OXR1: variants seen among roughly 807,000 people sequenced by gnomAD.
OXR1 encodes the protein oxidation resistance protein 1.
In OXR1, 41 loss-of-function variants were observed where a neutral mutation model predicts 104.6. The observed-to-expected ratio is 0.39, with a 90% confidence interval of 0.31 to 0.51. The LOEUF (loss-of-function observed/expected upper bound fraction) is 0.51, where lower values mean the gene tolerates loss of function less well. OXR1 is among the 20% of genes least tolerant of loss of function. The pLI, the probability that OXR1 is intolerant of heterozygous loss-of-function variation, is 0.77. For synonymous variants in OXR1, 348 were observed against 348.4 expected (o/e 1.00, Z 0.01); for missense variants, 955 against 1,031.9 (o/e 0.93, Z 1.02).
intron 2 of OXR1, among the ~76,000 whole-genome samples, chr8:106,492,478 C>T (rs904251596): frequency 1.3e-5 from 2 of 152,014 alleles, no homozygotes; most frequent in African/African-American, 4.8e-5. Flanking sequence ...TTACAGTTGC[C>T]CTTAAAACCT....
chr8:106,370,447 T>A (rs1011109150), intron 2 of OXR1, among the ~76,000 whole-genome samples: 1 of 151,874 alleles, frequency 6.6e-6, no homozygotes, highest in African/African-American at 2.4e-5. Flanking sequence ...TGAGGAGGAG[T>A]GGTGAGAGAG....
chr8:106,321,866 G>A (rs142645493), intron 1 of OXR1, among the ~76,000 whole-genome samples: 22 of 152,278 alleles, frequency 1.4e-4, no homozygotes, highest in African/African-American at 5.3e-4. Context: ...CTTTTGCTGA[G>A]GAGGCCCTAG....
At chr8:106,331,528 T>G (rs1814713027) in intron 1 of OXR1, among the ~76,000 whole-genome samples, 1 of 152,160 alleles carries the variant, frequency 6.6e-6, no homozygotes, top group South Asian at 2.1e-4. Context: ...ATATAATAAA[T>G]GATGGCTTTG....
At chr8:106,282,386 G>T (rs986237141) in intron 1 of OXR1, among the ~76,000 whole-genome samples, 1 of 152,114 alleles carries the variant, frequency 6.6e-6, no homozygotes, top group East Asian at 1.9e-4. Flanking sequence ...ATGATTATTA[G>T]ACCTGCTGTT....
chr8:106,427,952 T>C (rs1341984337), intron 2 of OXR1, among the ~76,000 whole-genome samples: 1 of 152,220 alleles, frequency 6.6e-6, no homozygotes, highest in African/African-American at 2.4e-5. Flanking sequence ...GCTGTTTAAA[T>C]AGAAATTTCT....
intron 2 of OXR1, among the ~76,000 whole-genome samples, chr8:106,484,016 G>A (rs145175048): frequency 6.6e-6 from 1 of 152,170 alleles, no homozygotes; most frequent in Admixed American, 6.6e-5. Context: ...TGGGTATGGT[G>A]ATGATTTCTG....
At chr8:106,727,351 A>G (rs537249500) in intron 11 of OXR1, among the ~76,000 whole-genome samples, 19 of 152,334 alleles carry the variant, frequency 1.2e-4, no homozygotes, top group Non-Finnish European at 2.2e-4. Context: ...TTATAGGTCA[A>G]TCTAATTAAT....
At chr8:106,319,968 G>A (rs958095225) in intron 1 of OXR1, among the ~76,000 whole-genome samples, 1 of 152,180 alleles carries the variant, frequency 6.6e-6, no homozygotes, top group Non-Finnish European at 1.5e-5. Context: ...GTGACCTTTT[G>A]TGGACTGGAG....
intron 3 of OXR1, among the ~76,000 whole-genome samples, chr8:106,654,738 A>G (rs1824908415): frequency 6.6e-6 from 1 of 152,156 alleles, no homozygotes; most frequent in African/African-American, 2.4e-5. Flanking sequence ...ATATTGATAA[A>G]TTTGGACTTC....
chr8:106,561,177 C>G (rs1816651379), intron 3 of OXR1, among the ~76,000 whole-genome samples: 1 of 152,082 alleles, frequency 6.6e-6, no homozygotes, highest in Non-Finnish European at 1.5e-5. Flanking sequence ...AGTGGTCTTG[C>G]TCAGCGGATC....
At chr8:106,705,071 T>TTA (rs1012433935) in intron 8 of OXR1, among the ~76,000 whole-genome samples, 1 of 152,200 alleles carries the variant, frequency 6.6e-6, no homozygotes, top group African/African-American at 2.4e-5. Context: ...ACATAAATGT[T>TTA]TAGCCTTTCA....
chr8:106,316,710 TATCTATC>T (rs1429906647), intron 1 of OXR1, among the ~76,000 whole-genome samples: 1 of 104,650 alleles, frequency 9.6e-6, no homozygotes, highest in African/African-American at 3.9e-5. Context: ...TCTATCTATC[TATCTATC>T]ATCTATCTAT....
intron 2 of OXR1, among the ~76,000 whole-genome samples, chr8:106,497,879 A>G (rs917813838): frequency 2.0e-5 from 3 of 152,080 alleles, no homozygotes; most frequent in Non-Finnish European, 2.9e-5. Context: ...CCTTCTCACT[A>G]TGAAATATGG....
intron 3 of OXR1, among the ~76,000 whole-genome samples, chr8:106,547,939 A>G (rs556136251): frequency 1.3e-5 from 2 of 152,206 alleles, no homozygotes; most frequent in Non-Finnish European, 2.9e-5. Flanking sequence ...ACATGGACGT[A>G]CAAATACCTG....
chr8:106,335,498 G>A (rs993550305), intron 1 of OXR1, among the ~76,000 whole-genome samples: 1 of 151,980 alleles, frequency 6.6e-6, no homozygotes, highest in African/African-American at 2.4e-5. Context: ...ATTAAATACT[G>A]AGTTTTACTC....
intron 1 of OXR1, among the ~76,000 whole-genome samples, chr8:106,354,197 T>C (rs1314633315): frequency 2.6e-5 from 4 of 151,902 alleles, no homozygotes; most frequent in Non-Finnish European, 5.9e-5. Flanking sequence ...GGTTAGGAAA[T>C]ATCAATAAGG....
At chr8:106,653,990 CACTT>C (rs1391724098) in intron 3 of OXR1, among the ~76,000 whole-genome samples, 6 of 151,846 alleles carry the variant, frequency 4.0e-5, no homozygotes, top group Non-Finnish European at 7.4e-5. Flanking sequence ...AAAAATAAAA[CACTT>C]ATTAATGTAT....
chr8:106,694,093 A>G (rs1312950370), intron 7 of OXR1, among the ~76,000 whole-genome samples: 3 of 151,928 alleles, frequency 2.0e-5, no homozygotes, highest in Non-Finnish European at 4.4e-5. Context: ...ACTAATTTCT[A>G]ATTCGATTCT....
chr8:106,352,607 T>C (rs1426515898), intron 1 of OXR1, among the ~76,000 whole-genome samples: 1 of 152,180 alleles, frequency 6.6e-6, no homozygotes, highest in East Asian at 1.9e-4. Context: ...TGAATTAAGG[T>C]AAATCCATTC....
Sources: gnomAD v4.1 joint callset for allele counts (sites outside exome capture counted in the v4.1 genomes callset) on GRCh38, gnomAD v4.1.1 for gene constraint, MANE v1.5 for transcripts, NCBI Gene and HGNC (gene_info 2026-07-23, HGNC 2026-07-21) for gene names.